Variants in INO80 observed in about 807,000 individuals in gnomAD.
The protein encoded by INO80 is INO80 complex ATPase subunit.
INO80 carries 20 observed loss-of-function variants against 203.4 expected under a neutral mutation model. The ratio of observed to expected loss-of-function variants is 0.10; its 90% CI spans 0.07 to 0.14. The LOEUF (loss-of-function observed/expected upper bound fraction) is 0.14, where lower values mean the gene tolerates loss of function less well. Ranked by LOEUF, INO80 falls within the 10% of genes least tolerant of loss-of-function variation. The pLI, the probability that INO80 is intolerant of heterozygous loss-of-function variation, is 1.00. For synonymous variants in INO80, 726 were observed against 685.2 expected, an observed-to-expected ratio of 1.06 and a Z score of -0.93; for missense variants, 1,419 against 1,914.4, an observed-to-expected ratio of 0.74 and a Z score of 4.83.
chr15:41,024,437 T>C (rs1490164944), intron 25 of INO80: 2 of 152,202 alleles, frequency 1.3e-5, no homozygotes, highest in Non-Finnish European at 2.9e-5. Context: ...AAGCATGACG[T>C]ACCGTTCTTC....
chr15:41,037,786 T>C (rs2044603157), intron 24 of INO80, among the ~76,000 whole-genome samples: 1 of 150,996 alleles, frequency 6.6e-6, no homozygotes, highest in African/African-American at 2.4e-5. Context: ...CTACTAAAAA[T>C]ACAAAAATTA....
At chr15:41,113,707 C>T (rs111921564) in intron 1 of INO80, among the ~76,000 whole-genome samples, 46 of 152,322 alleles carry the variant, frequency 3.0e-4, no homozygotes, top group African/African-American at 1.1e-3. Flanking sequence ...AAGTGATCCT[C>T]TTGCCTCCTG....
chr15:41,038,851 ACT>A (rs758241217), intron 24 of INO80, among the ~76,000 whole-genome samples: 13 of 152,170 alleles, frequency 8.5e-5, no homozygotes, highest in Non-Finnish European at 1.9e-4. Flanking sequence ...TGATATAATG[ACT>A]CTGGTAATTT....
At chr15:40,981,569 G>A (rs1474705715) in intron 35 of INO80, among the ~76,000 whole-genome samples, 1 of 152,146 alleles carries the variant, frequency 6.6e-6, no homozygotes, top group East Asian at 1.9e-4. Context: ...CAATTACTGA[G>A]CAATTACTAC....
At chr15:40,996,094 C>G (rs1332973587) in intron 29 of INO80, among the ~76,000 whole-genome samples, 1 of 152,172 alleles carries the variant, frequency 6.6e-6, no homozygotes, top group Non-Finnish European at 1.5e-5. Context: ...AGCCTCTACA[C>G]TCTTGCACCT....
intron 1 of INO80, among the ~76,000 whole-genome samples, chr15:41,102,190 C>T (rs932774711): frequency 1.3e-5 from 2 of 151,488 alleles, no homozygotes; most frequent in Admixed American, 1.3e-4. Context: ...GACTCCATCT[C>T]AAAAAAAGAA....
At chr15:41,105,894 T>G (rs1350360340) in intron 1 of INO80, among the ~76,000 whole-genome samples, 1 of 152,184 alleles carries the variant, frequency 6.6e-6, no homozygotes, top group Non-Finnish European at 1.5e-5. Flanking sequence ...GTATATTTCC[T>G]GCCCCAATCA....
At chr15:41,074,090 CTG>C (rs2045364971) in intron 10 of INO80, among the ~76,000 whole-genome samples, 2 of 152,218 alleles carry the variant, frequency 1.3e-5, no homozygotes, top group Admixed American at 6.5e-5. Flanking sequence ...TTCTACTGAA[CTG>C]TGATTACAAT....
intron 25 of INO80, chr15:41,023,196 A>C: frequency 2.3e-6 from 1 of 444,392 alleles, no homozygotes. Flanking sequence ...TGGGCAAATA[A>C]ATATGGACCA....
intron 24 of INO80, among the ~76,000 whole-genome samples, chr15:41,030,205 T>C (rs1401963067): frequency 6.6e-6 from 1 of 152,218 alleles, no homozygotes; most frequent in Non-Finnish European, 1.5e-5. Flanking sequence ...CCTCCAATTA[T>C]CTTCTCTTCA....
At position 41,079,947 on chromosome 15, in the gene INO80, A is replaced by T. The variant is rs764853528; in HGVS notation, c.928-43T>A. 10 of 1,562,494 alleles carry T rather than the reference A, an allele frequency of 6.4e-6. No individual in the cohort carries two copies. The South Asian group carries it at 1.1e-4, about 17-fold the overall frequency. ...ATTACAGCGGAAAGGACCCCATACC[A>T]GAAGCTGGTTCTTCCTGGACTCTAA... On this transcript the variant is annotated intron_variant, in intron 8 of 35. Coordinates refer to ENST00000648947, the MANE Select transcript of INO80 (RefSeq NM_017553.3).
At chr15:41,021,267 C>A in intron 25 of INO80, 142 bp from the exon 26 acceptor site, 1 of 609,398 alleles carries the variant, frequency 1.6e-6, no homozygotes. Flanking sequence ...GCACACTAAG[C>A]TGTCCCTAAT....
In INO80 at chr15:40,987,963, A is replaced by G. The variant is rs1426544833; in HGVS notation, c.3582T>C (p.Tyr1194=). ...NLTAADTVIF[Y]DSDWNPTVDQ... is the part of the protein sequence containing the mutation. ...CCACAGTGGGGTTCCAGTCGCTATC[A>G]TAGAAAATCACCTGCATAGAATATA... The change falls in exon 30 of 36, where the codon TAT becomes TAC. Residue 1194 remains tyrosine (Y), a synonymous_variant. Coordinates refer to ENST00000648947, the MANE Select transcript of INO80 (RefSeq NM_017553.3). 1.5e-5 allele frequency: 25 copies of G among 1,613,294 alleles called. No homozygotes were observed. The highest frequency in any genetic ancestry group is 2.1e-5 in the Non-Finnish European group (25 of 1,179,702).
chr15:41,010,515 G>A (rs2044117989), intron 27 of INO80, among the ~76,000 whole-genome samples: 1 of 151,970 alleles, frequency 6.6e-6, no homozygotes, highest in South Asian at 2.1e-4. Flanking sequence ...CAGGCAGTAG[G>A]TGGCAGACCT....
chr15:41,066,831 G>GAAAAAAAAAAAAGAAAAAAAA (rs1566935870), intron 14 of INO80, among the ~76,000 whole-genome samples: 1 of 85,732 alleles, frequency 1.2e-5, no homozygotes, highest in Non-Finnish European at 2.3e-5. Flanking sequence ...ATGTCTCTAA[G>GAAAAAAAAAAAAGAAAAAAAA]AAAAAAAAAA....
intron 4 of INO80, among the ~76,000 whole-genome samples, chr15:41,094,680 T>C (rs1403354047): frequency 6.6e-6 from 1 of 152,174 alleles, no homozygotes; most frequent in Admixed American, 6.5e-5. Flanking sequence ...TATTCCTGAT[T>C]ATGTGACCCA....
intron 9 of INO80, among the ~76,000 whole-genome samples, chr15:41,076,144 T>C (rs965117994): frequency 6.6e-6 from 1 of 152,056 alleles, no homozygotes; most frequent in Non-Finnish European, 1.5e-5. Flanking sequence ...GCAGATCACC[T>C]GAGGTCAGGA....
At chr15:41,052,152 A>T (rs551808441) in intron 19 of INO80, among the ~76,000 whole-genome samples, 14 of 152,052 alleles carry the variant, frequency 9.2e-5, no homozygotes, top group East Asian at 3.9e-4. Flanking sequence ...AAAAAAAAAA[A>T]TTTTAAACAA....
intron 25 of INO80, among the ~76,000 whole-genome samples, chr15:41,025,013 G>A (rs566239683): frequency 5.3e-5 from 8 of 152,270 alleles, no homozygotes; most frequent in African/African-American, 1.9e-4. Flanking sequence ...TAATCACGGT[G>A]TAATTACTCC....
Sources: allele counts gnomAD v4.1 joint callset (sites outside exome capture counted in the v4.1 genomes callset), GRCh38; gene constraint gnomAD v4.1.1; transcripts MANE v1.5; gene names NCBI Gene and HGNC (gene_info 2026-07-23, HGNC 2026-07-21).